The following BICD1 variants were observed in gnomAD, a reference collection of about 807,000 sequenced individuals.
BICD1 encodes protein bicaudal D homolog 1.
In BICD1, 35 loss-of-function variants were observed where a neutral mutation model predicts 92.5. The observed-to-expected ratio is 0.38, with a 90% CI of 0.29 to 0.50. BICD1 has a LOEUF of 0.50. BICD1 is among the 20% of genes least tolerant of loss of function. The pLI, the probability that BICD1 is intolerant of heterozygous loss-of-function variation, is 0.93. For synonymous variants in BICD1, 429 were observed against 465.1 expected, an observed-to-expected ratio of 0.92 and a Z score of 1.00; for missense variants, 950 against 1,189.8, an observed-to-expected ratio of 0.80 and a Z score of 2.97.
At chr12:32,243,389 C>T (rs1946290281) in intron 2 of BICD1, among the ~76,000 whole-genome samples, 1 of 150,472 alleles carries the variant, frequency 6.6e-6, no homozygotes, top group Non-Finnish European at 1.5e-5. Context: ...GCTAGGATTA[C>T]AGGCATGAGC....
intron 1 of BICD1, among the ~76,000 whole-genome samples, chr12:32,135,548 G>A (rs766080766): frequency 4.0e-5 from 6 of 151,754 alleles, no homozygotes; most frequent in Non-Finnish European, 7.4e-5. Context: ...CTACAGGTGT[G>A]CATCACCACA....
intron 2 of BICD1, among the ~76,000 whole-genome samples, chr12:32,270,141 T>C (rs1388002021): frequency 6.6e-6 from 1 of 151,034 alleles, no homozygotes; most frequent in Admixed American, 6.6e-5. Context: ...AAAAAATTAT[T>C]ATTATTTAGT....
intron 2 of BICD1, among the ~76,000 whole-genome samples, chr12:32,293,628 C>G (rs1947782164): frequency 6.6e-6 from 1 of 152,092 alleles, no homozygotes; most frequent in African/African-American, 2.4e-5. Context: ...CAGCGCCCGG[C>G]CTTTCTCGTT....
intron 2 of BICD1, among the ~76,000 whole-genome samples, chr12:32,221,043 A>T (rs371998105): frequency 7.1e-6 from 1 of 140,274 alleles, no homozygotes; most frequent in Non-Finnish European, 1.5e-5. Flanking sequence ...GAATTGAACA[A>T]TGAGAACACA....
At chr12:32,315,256 C>A (rs1948469170) in intron 4 of BICD1, among the ~76,000 whole-genome samples, 1 of 152,184 alleles carries the variant, frequency 6.6e-6, no homozygotes, top group Admixed American at 6.5e-5. Context: ...TACCCTTGTC[C>A]AAAATCAACT....
At chr12:32,293,563 C>T (rs765099430) in intron 2 of BICD1, among the ~76,000 whole-genome samples, 24 of 151,790 alleles carry the variant, frequency 1.6e-4, no homozygotes, top group Non-Finnish European at 3.2e-4. Context: ...CTCCTGACCT[C>T]AGGTGATCCA....
intron 1 of BICD1, among the ~76,000 whole-genome samples, chr12:32,183,368 G>A (rs546997962): frequency 1.3e-5 from 2 of 151,042 alleles, no homozygotes; most frequent in Non-Finnish European, 2.9e-5. Context: ...TGGTTCAAGC[G>A]ATTCTCCTGC....
At chr12:32,259,053 C>T (rs929785032) in intron 2 of BICD1, among the ~76,000 whole-genome samples, 3 of 152,160 alleles carry the variant, frequency 2.0e-5, no homozygotes, top group Admixed American at 6.5e-5. Context: ...CTGGCATTAC[C>T]GCTTGACCAG....
intron 2 of BICD1, among the ~76,000 whole-genome samples, chr12:32,271,221 T>C (rs1565632385): frequency 6.6e-6 from 1 of 152,190 alleles, no homozygotes; most frequent in African/African-American, 2.4e-5. Context: ...GAGACTTCGC[T>C]CAGAGCTGGA....
intron 2 of BICD1, among the ~76,000 whole-genome samples, chr12:32,264,391 G>T (rs1946937075): frequency 6.6e-6 from 1 of 152,172 alleles, no homozygotes; most frequent in South Asian, 2.1e-4. Flanking sequence ...AGGAATGAAT[G>T]ATTGGCTATA....
At chr12:32,298,911 T>C (rs1947957540) in intron 3 of BICD1, among the ~76,000 whole-genome samples, 1 of 149,882 alleles carries the variant, frequency 6.7e-6, no homozygotes, top group African/African-American at 2.5e-5. Context: ...GGTAATATCA[T>C]AAAAGACCTA....
In BICD1 at chr12:32,106,920, G is replaced by GTATCATTAAAAAA; in HGVS notation, c.-412_-411insTATCATTAAAAAA. The GTATCATTAAAAAA allele has an allele frequency of 5.5e-6, 1 of 183,188 alleles. No individual in the cohort carries two copies. The highest frequency in any genetic ancestry group is 1.1e-5 in the Non-Finnish European group (1 of 89,018). The allele number at this position is 183,188 out of a possible 1,614,324, so 11.3% of individuals were successfully genotyped here. A position where few individuals can be genotyped will look rare whatever the true frequency, so the allele number is the denominator to read the frequency against. ...GAGAGCGAGCCGCGAGCCGGAGCGC[G>GTATCATTAAAAAA]CCAGACCCAGGGCGAGACTGCAGTG... On this transcript the variant is annotated 5_prime_UTR_variant, in exon 1 of 10. Coordinates refer to ENST00000652176, the MANE Select transcript of BICD1 (RefSeq NM_001714.4).
Position 32,226,027 on chromosome 12 carries a change from T to A in BICD1, c.426+9568T>A, listed in dbSNP as rs557709261. On this transcript the variant is annotated intron_variant, in intron 2 of 9. Coordinates refer to ENST00000652176, the MANE Select transcript of BICD1 (RefSeq NM_001714.4). The stretch of plus-strand genomic sequence containing the variant: ...TTGACTAAGAATATTGAACATCTTT[T>A]CATGTGCTTGTTTGCCTTCCATATA... Among the ~76,000 whole-genome samples, 98 of 152,378 alleles carry A rather than the reference T, an allele frequency of 6.4e-4. 2 individuals carry two copies. In the South Asian group the frequency reaches 0.02, roughly 32 times the overall value.
intron 1 of BICD1, among the ~76,000 whole-genome samples, chr12:32,114,512 C>G (rs962834450): frequency 1.3e-4 from 20 of 151,976 alleles, no homozygotes; most frequent in African/African-American, 4.8e-4. Context: ...CCCCAAGTAG[C>G]TGGGACTACA....
chr12:32,161,341 ATGTCAATATGACCAAT>A (rs1943595458), intron 1 of BICD1, among the ~76,000 whole-genome samples: 1 of 152,250 alleles, frequency 6.6e-6, no homozygotes, highest in South Asian at 2.1e-4. Context: ...CGTTAATGGT[ATGTCAATATGACCAAT>A]TATTTCCACA....
At chr12:32,290,563 A>AC (rs910623110) in intron 2 of BICD1, among the ~76,000 whole-genome samples, 2 of 151,896 alleles carry the variant, frequency 1.3e-5, no homozygotes, top group African/African-American at 4.8e-5. Flanking sequence ...AGCTTGCTCC[A>AC]CCCCCAGCTT....
At chr12:32,299,739 G>A (rs1947979853) in intron 3 of BICD1, among the ~76,000 whole-genome samples, 1 of 152,184 alleles carries the variant, frequency 6.6e-6, no homozygotes, top group South Asian at 2.1e-4. Flanking sequence ...TTGAGTCCAG[G>A]AGGTTGAGGC....
intron 2 of BICD1, among the ~76,000 whole-genome samples, chr12:32,257,161 A>G (rs1946740974): frequency 6.9e-6 from 1 of 145,230 alleles, no homozygotes; most frequent in Non-Finnish European, 1.5e-5. Context: ...TGCAGTGAGC[A>G]GAGATGGCAC....
chr12:32,355,925 T>G (rs535423054), intron 8 of BICD1, among the ~76,000 whole-genome samples: 1 of 152,328 alleles, frequency 6.6e-6, no homozygotes, highest in African/African-American at 2.4e-5. Flanking sequence ...TTGCATAGTC[T>G]GATAGACAAG....
Sources: gnomAD v4.1 joint callset for allele counts (sites outside exome capture counted in the v4.1 genomes callset) on GRCh38, gnomAD v4.1.1 for gene constraint, MANE v1.5 for transcripts, NCBI Gene and HGNC (gene_info 2026-07-23, HGNC 2026-07-21) for gene names.